The following CAMTA1 variants were observed in gnomAD, a reference collection of about 807,000 sequenced individuals.
The protein encoded by CAMTA1 is calmodulin-binding transcription activator 1.
In CAMTA1, 27 loss-of-function variants were observed where a neutral mutation model predicts 170.9. The observed-to-expected ratio is 0.16, with a 90% confidence interval of 0.12 to 0.22. The LOEUF (loss-of-function observed/expected upper bound fraction) is 0.22, where lower values mean the gene tolerates loss of function less well. Ranked by LOEUF, CAMTA1 falls within the 10% of genes least tolerant of loss-of-function variation. The pLI is 1.00. For missense variants in CAMTA1, 1,619 were observed against 2,217.2 expected (o/e 0.73, Z 5.42); for synonymous variants, 833 against 891.5 (o/e 0.93, Z 1.17).
chr1:7,162,321 A>G (rs1303531085), intron 4 of CAMTA1, among the ~76,000 whole-genome samples: 1 of 152,218 alleles, frequency 6.6e-6, no homozygotes. Flanking sequence ...CTCATATAAT[A>G]CAATTCAAAG....
chr1:7,314,789 A>T (rs1291156339), intron 5 of CAMTA1, among the ~76,000 whole-genome samples: 1 of 152,184 alleles, frequency 6.6e-6, no homozygotes, highest in African/African-American at 2.4e-5. Flanking sequence ...TAAAGTCTAC[A>T]TTCATGGAGG....
intron 4 of CAMTA1, among the ~76,000 whole-genome samples, chr1:7,164,788 T>C (rs1378656681): frequency 6.6e-6 from 1 of 152,198 alleles, no homozygotes; most frequent in Non-Finnish European, 1.5e-5. Flanking sequence ...AAGAGCCCTG[T>C]CTAATTGTGT....
chr1:7,613,338 G>A (rs947059915), intron 6 of CAMTA1, among the ~76,000 whole-genome samples: 2 of 152,168 alleles, frequency 1.3e-5, no homozygotes, highest in Non-Finnish European at 2.9e-5. Context: ...TGAGTGAGAT[G>A]GACAGACAAG....
chr1:7,475,863 G>C (rs1368740039), intron 6 of CAMTA1, among the ~76,000 whole-genome samples: 1 of 152,244 alleles, frequency 6.6e-6, no homozygotes, highest in Admixed American at 6.5e-5. Context: ...CCTTTAAACA[G>C]ACGTGGTCCC....
chr1:7,166,714 C>T (rs1648519649), intron 4 of CAMTA1, among the ~76,000 whole-genome samples: 2 of 150,366 alleles, frequency 1.3e-5, no homozygotes, highest in East Asian at 3.9e-4. Context: ...CTTGAGTTTG[C>T]TCTATGCATT....
chr1:6,958,525 G>A (rs922749043), intron 3 of CAMTA1, among the ~76,000 whole-genome samples: 1 of 152,136 alleles, frequency 6.6e-6, no homozygotes, highest in Non-Finnish European at 1.5e-5. Flanking sequence ...GCATCCCCAG[G>A]GACCTCCAGC....
chr1:6,876,494 C>T (rs976457373), intron 3 of CAMTA1, among the ~76,000 whole-genome samples: 1 of 151,972 alleles, frequency 6.6e-6, no homozygotes, highest in Non-Finnish European at 1.5e-5. Context: ...TCCAAAGTAG[C>T]TGGGATTACA....
At chr1:7,208,747 C>T (rs1658216056) in intron 4 of CAMTA1, among the ~76,000 whole-genome samples, 1 of 152,162 alleles carries the variant, frequency 6.6e-6, no homozygotes, top group Admixed American at 6.5e-5. Flanking sequence ...GGTGTCATAC[C>T]TGGGGAGAAT....
rs1222823722 is a variant in CAMTA1 at position 6,934,140 on chromosome 1, C to T, written c.234+108930C>T. Among the ~76,000 whole-genome samples, 3 of 152,174 alleles carry T rather than the reference C, an allele frequency of 2.0e-5. No individual in the cohort carries two copies. The highest frequency in any genetic ancestry group is 4.4e-5 in the Non-Finnish European group (3 of 68,040). The stretch of plus-strand genomic sequence containing the variant: ...ACCATATGAGTGACTGAGGGGCCAG[C>T]GCCCGTGGTCGGCAGAAGGGGAGGT... On this transcript the variant is annotated intron_variant, in intron 3 of 22. Coordinates refer to ENST00000303635, the MANE Select transcript of CAMTA1 (RefSeq NM_015215.4). This position sits in a 1 kb window ranked among gnomAD's most constrained non-coding sequence, Gnocchi z 4.5.
At chr1:7,722,203 A>T (rs2096653959) in intron 11 of CAMTA1, among the ~76,000 whole-genome samples, 1 of 152,182 alleles carries the variant, frequency 6.6e-6, no homozygotes, top group African/African-American at 2.4e-5. Flanking sequence ...CTTAGAACAC[A>T]CTGTGGGTGT....
chr1:7,525,904 C>T (rs1271204961), intron 6 of CAMTA1, among the ~76,000 whole-genome samples: 1 of 152,118 alleles, frequency 6.6e-6, no homozygotes, highest in Non-Finnish European at 1.5e-5. Context: ...CCTGATCCCA[C>T]AGACCCACGG....
At chr1:7,705,702 C>G (rs2096514741) in intron 11 of CAMTA1, among the ~76,000 whole-genome samples, 1 of 152,186 alleles carries the variant, frequency 6.6e-6, no homozygotes, top group Non-Finnish European at 1.5e-5. Context: ...GGTGCGGGCA[C>G]AGCCCTGCGC....
intron 5 of CAMTA1, among the ~76,000 whole-genome samples, chr1:7,447,122 C>A (rs1230115174): frequency 6.6e-6 from 1 of 152,110 alleles, no homozygotes; most frequent in Non-Finnish European, 1.5e-5. Flanking sequence ...ACCCCTCATG[C>A]CCACCTGAAA....
At chr1:7,061,146 C>T (rs990389211) in intron 3 of CAMTA1, among the ~76,000 whole-genome samples, 6 of 152,020 alleles carry the variant, frequency 3.9e-5, no homozygotes, top group Non-Finnish European at 7.4e-5. Flanking sequence ...GGAAAATCCT[C>T]GGTCTCTGTA....
intron 6 of CAMTA1, among the ~76,000 whole-genome samples, chr1:7,564,593 T>C (rs904911132): frequency 6.6e-6 from 1 of 152,032 alleles, no homozygotes; most frequent in Non-Finnish European, 1.5e-5. Flanking sequence ...TCTGCAAGCT[T>C]GTGTGAGTGT....
chr1:7,334,284 C>T, intron 5 of CAMTA1, among the ~76,000 whole-genome samples: 1 of 152,172 alleles, frequency 6.6e-6, no homozygotes, highest in Non-Finnish European at 1.5e-5. Flanking sequence ...ACTAGTTCTT[C>T]ATCACAAATA....
intron 6 of CAMTA1, among the ~76,000 whole-genome samples, chr1:7,471,048 G>A (rs564462129): frequency 6.6e-6 from 1 of 152,346 alleles, no homozygotes; most frequent in African/African-American, 2.4e-5. Flanking sequence ...AGCAGGCCTC[G>A]CAGACTCGGG....
At position 7,125,715 on chromosome 1, in the gene CAMTA1, AT is replaced by A. The variant is rs553277518; in HGVS notation, c.302+34345del. Reference sequence around the variant, plus strand: ...GGGCTGGCGGTTCAGCAGGAGCAGCATGTAGGGTGAGAGGGGCTGAAGGTTG... The same window carrying A: ...GGGCTGGCGGTTCAGCAGGAGCAGCAGTAGGGTGAGAGGGGCTGAAGGTTG... On this transcript the variant is annotated intron_variant, in intron 4 of 22. Coordinates refer to ENST00000303635, the MANE Select transcript of CAMTA1 (RefSeq NM_015215.4). Among the ~76,000 whole-genome samples, 171 of 152,266 alleles carry A rather than the reference AT, an allele frequency of 1.1e-3. 1 individual carries two copies. The highest frequency in any genetic ancestry group is 1.9e-3 in the Non-Finnish European group (132 of 68,016).
Position 6,869,836 on chromosome 1 carries a change from C to G in CAMTA1, c.234+44626C>G, listed in dbSNP as rs562864366. Among the ~76,000 whole-genome samples the G allele has an allele frequency of 2.6e-5, 4 of 152,012 alleles. No homozygotes were observed. The East Asian group carries it at 7.7e-4, about 29-fold the overall frequency. ...CTCAGAGCAATTCCTGCCTGGACGT[C>G]ACGTTCAGGTAGTCTGGTGTCTGAA... On this transcript the variant is annotated intron_variant, in intron 3 of 22. Transcript: ENST00000303635.
Sources: allele counts gnomAD v4.1 joint callset (sites outside exome capture counted in the v4.1 genomes callset), GRCh38; gene constraint gnomAD v4.1.1; non-coding constraint Gnocchi (gnomAD v3.1); transcripts MANE v1.5; gene names NCBI Gene and HGNC (gene_info 2026-07-23, HGNC 2026-07-21).